The following NDUFA10 variants were observed in gnomAD, a reference collection of about 807,000 sequenced individuals.
NDUFA10 encodes the protein NADH:ubiquinone oxidoreductase subunit A10.
NDUFA10 carries 40 observed loss-of-function variants against 47.8 expected under a neutral mutation model. That is an observed-to-expected ratio of 0.84 (90% CI 0.65 to 1.09). NDUFA10 has a LOEUF of 1.09. NDUFA10 is among the 50% of genes least tolerant of loss of function. The pLI is 0.00. For synonymous variants in NDUFA10, 183 were observed against 172.2 expected, an observed-to-expected ratio of 1.06 and a Z score of -0.49; for missense variants, 413 against 451.1, an observed-to-expected ratio of 0.92 and a Z score of 0.76.
At chr2:240,020,955 G>A (rs73107416) in intron 3 of NDUFA10, 3 of 589,244 alleles carry the variant, frequency 5.1e-6, no homozygotes, top group South Asian at 4.0e-5. Context: ...GCTTAAAGTA[G>A]TGCCTTGAGA....
intron 9 of NDUFA10, among the ~76,000 whole-genome samples, chr2:239,986,518 C>G (rs1696009106): frequency 6.6e-6 from 1 of 152,140 alleles, no homozygotes. Context: ...GGTGTGTATT[C>G]ACAGTTTTCA....
At chr2:239,984,974 G>A (rs1424984571) in intron 9 of NDUFA10, among the ~76,000 whole-genome samples, 2 of 152,174 alleles carry the variant, frequency 1.3e-5, no homozygotes, top group Non-Finnish European at 2.9e-5. Flanking sequence ...CTCACAAAAC[G>A]GAAGCCCAGC....
Position 239,959,427 on chromosome 2 carries a change from T to C in NDUFA10, c.*1691A>G, listed in dbSNP as rs1200063176. 3.6e-5 allele frequency: 35 copies of C among 985,356 alleles called. No homozygotes were observed. The highest frequency in any genetic ancestry group is 4.2e-5 in the Non-Finnish European group (35 of 829,948). 61.0% of individuals were successfully genotyped at this position (985,356 alleles called of 1,614,324 possible). On this transcript the variant is annotated 3_prime_UTR_variant, in exon 10 of 10. Coordinates refer to ENST00000252711, the MANE Select transcript of NDUFA10 (RefSeq NM_004544.4). ...ATAATTAAAGATGGCTTTCTTTTTC[T>C]TTCCTCCCCTCCACAATGGGTTTGT...
intron 9 of NDUFA10, among the ~76,000 whole-genome samples, chr2:239,984,554 A>T (rs1695920884): frequency 6.6e-6 from 1 of 152,248 alleles, no homozygotes; most frequent in Non-Finnish European, 1.5e-5. Context: ...ATGCTCACAA[A>T]CTGAAAAGCA....
intron 9 of NDUFA10, among the ~76,000 whole-genome samples, chr2:239,980,903 C>A (rs184759053): frequency 8.3e-4 from 127 of 152,314 alleles, no homozygotes; most frequent in African/African-American, 3.0e-3. Flanking sequence ...AGCAAGGAGA[C>A]CCCAGCTGGC....
intron 4 of NDUFA10, among the ~76,000 whole-genome samples, chr2:239,947,724 T>C (rs889556746): frequency 6.6e-6 from 1 of 152,196 alleles, no homozygotes; most frequent in African/African-American, 2.4e-5. Context: ...TCAAAGACTA[T>C]GCAACAGGCC....
chr2:239,960,673 G>C lies in NDUFA10; in HGVS notation c.*445C>G, dbSNP rs563264912. 9 of 1,116,676 alleles carry C rather than the reference G, an allele frequency of 8.1e-6. No homozygotes were observed. The highest frequency in any genetic ancestry group is 9.9e-6 in the Non-Finnish European group (9 of 905,082). 69.2% of individuals were successfully genotyped at this position (1,116,676 alleles called of 1,614,324 possible). The stretch of plus-strand genomic sequence containing the variant: ...ACCACACCACACCAAACAGGGCCCA[G>C]AGCAGCGTGTGTGCACGTGTGCAGT... On this transcript the variant is annotated 3_prime_UTR_variant, in exon 10 of 10. Coordinates refer to ENST00000252711, the MANE Select transcript of NDUFA10 (RefSeq NM_004544.4).
intron 4 of NDUFA10, among the ~76,000 whole-genome samples, chr2:239,943,961 C>T (rs916144690): frequency 2.0e-5 from 3 of 152,180 alleles, no homozygotes; most frequent in African/African-American, 7.2e-5. Context: ...CTGCTGGGGG[C>T]AGTGCCTGTC....
chr2:240,018,708 C>A, intron 3 of NDUFA10, 69 bp from the exon 4 acceptor site: 1 of 1,465,696 alleles, frequency 6.8e-7, no homozygotes, highest in Non-Finnish European at 9.5e-7. Flanking sequence ...CTGATCACTG[C>A]ATTCCAGAGA....
At chr2:239,918,368 C>G (rs1280551121) in intron 4 of NDUFA10, among the ~76,000 whole-genome samples, 1 of 152,194 alleles carries the variant, frequency 6.6e-6, no homozygotes, top group Non-Finnish European at 1.5e-5. Context: ...GAAGCCCACC[C>G]TTGCAGGAGC....
chr2:239,974,881 T>TGA (rs1559340574), intron 9 of NDUFA10, among the ~76,000 whole-genome samples: 1 of 124,250 alleles, frequency 8.0e-6, no homozygotes, highest in East Asian at 2.5e-4. Flanking sequence ...TATGTGACAC[T>TGA]CTACCACCAA....
At chr2:239,910,618 G>A (rs116009218) in intron 4 of NDUFA10, among the ~76,000 whole-genome samples, 2,602 of 152,158 alleles carry the variant, frequency 0.017, 82 homozygotes, top group African/African-American at 0.06. Context: ...GCTGGGCTTA[G>A]TACCTGGGTG....
chr2:240,022,362 A>G (rs1295347891), intron 1 of NDUFA10, 22 bp from the exon 2 acceptor site: 1 of 1,614,004 alleles, frequency 6.2e-7, no homozygotes, highest in South Asian at 1.1e-5. Context: ...AAAATCACAC[A>G]GCAGCACATT....
At chr2:239,998,079 G>C (rs1176446464) in intron 8 of NDUFA10, among the ~76,000 whole-genome samples, 2 of 152,210 alleles carry the variant, frequency 1.3e-5, no homozygotes, top group Non-Finnish European at 2.9e-5. Context: ...TTAAAGACTG[G>C]AAGAACCTGC....
intron 3 of NDUFA10, among the ~76,000 whole-genome samples, chr2:240,019,961 T>C (rs1281458791): frequency 6.6e-6 from 1 of 152,136 alleles, no homozygotes; most frequent in East Asian, 1.9e-4. Flanking sequence ...CATTGTTTTC[T>C]TAGGAGTAAC....
intron 5 of NDUFA10, among the ~76,000 whole-genome samples, chr2:239,893,780 A>G (rs67364191): frequency 0.13 from 19,301 of 152,264 alleles, 1,345 homozygotes; most frequent in South Asian, 0.18. Flanking sequence ...TGGGAGTGGG[A>G]AGCACGGCAG....
intron 9 of NDUFA10, among the ~76,000 whole-genome samples, chr2:239,961,529 A>T (rs2106394157): frequency 6.6e-6 from 1 of 152,310 alleles, no homozygotes; most frequent in South Asian, 2.1e-4. Flanking sequence ...GAGCAGGGAC[A>T]GCCACGCAGA....
At chr2:239,916,067 T>G (rs1693869049) in intron 4 of NDUFA10, among the ~76,000 whole-genome samples, 1 of 112,534 alleles carries the variant, frequency 8.9e-6, no homozygotes, top group African/African-American at 4.0e-5. Flanking sequence ...CACACATACA[T>G]ACTCAGACAC....
chr2:239,905,779 G>A (rs1218721788), intron 4 of NDUFA10, among the ~76,000 whole-genome samples: 1 of 143,530 alleles, frequency 7.0e-6, no homozygotes, highest in Non-Finnish European at 1.5e-5. Flanking sequence ...AATTATCTCT[G>A]AAGAAGAAGA....
Sources: gnomAD v4.1 joint callset for allele counts (sites outside exome capture counted in the v4.1 genomes callset) on GRCh38, gnomAD v4.1.1 for gene constraint, MANE v1.5 for transcripts, NCBI Gene and HGNC (gene_info 2026-07-23, HGNC 2026-07-21) for gene names.